The following TENM4 variants were observed in gnomAD, a reference collection of about 807,000 sequenced individuals.
TENM4 encodes teneurin-4.
In TENM4, 82 loss-of-function variants were observed where a neutral mutation model predicts 243.3. The ratio of observed to expected loss-of-function variants is 0.34; its 90% confidence interval spans 0.28 to 0.40. TENM4 has a LOEUF of 0.40. Ranked by LOEUF, TENM4 falls within the 10% of genes least tolerant of loss-of-function variation. The pLI is 1.00. For missense variants in TENM4, 3,138 were observed against 3,673.3 expected (o/e 0.85, Z 3.77); for synonymous variants, 1,412 against 1,456.3 (o/e 0.97, Z 0.69).
intron 4 of TENM4, among the ~76,000 whole-genome samples, chr11:79,076,749 C>T (rs141924460): frequency 1.3e-5 from 2 of 152,162 alleles, no homozygotes; most frequent in African/African-American, 4.8e-5. Flanking sequence ...ATCAGGGGAT[C>T]ACTGAAGACA....
chr11:78,835,405 C>G (rs1015528276), intron 12 of TENM4, among the ~76,000 whole-genome samples: 8 of 152,152 alleles, frequency 5.3e-5, no homozygotes, highest in African/African-American at 1.9e-4. Context: ...ACTGGGGAGG[C>G]TGAGGCAGGA....
In TENM4 at chr11:78,749,670, T is replaced by C. The variant is rs201941894; in HGVS notation, c.2756+7135A>G. 3.9e-5 allele frequency among the ~76,000 whole-genome samples: 6 copies of C among 152,356 alleles called. No homozygotes were observed. In the East Asian group the frequency reaches 7.7e-4, roughly 20 times the overall value. On this transcript the variant is annotated intron_variant, in intron 19 of 33. Transcript: ENST00000278550. ...CATTGCATACATGGTCATTTCTCTT[T>C]TCCATCATTTTTCACTCTTGAAAAC...
intron 12 of TENM4, among the ~76,000 whole-genome samples, chr11:78,823,188 C>A (rs1191083471): frequency 1.3e-5 from 2 of 152,186 alleles, no homozygotes; most frequent in African/African-American, 2.4e-5. Flanking sequence ...GAGAGGCGAG[C>A]GCTCCCGGGA....
intron 2 of TENM4, among the ~76,000 whole-genome samples, chr11:79,281,120 C>T (rs1395503251): frequency 6.6e-6 from 1 of 152,154 alleles, no homozygotes; most frequent in Admixed American, 6.5e-5. Context: ...AGGAGATGCA[C>T]CTCAGCCTTC....
chr11:78,886,883 A>C (rs2136285661), intron 9 of TENM4, among the ~76,000 whole-genome samples: 1 of 152,332 alleles, frequency 6.6e-6, no homozygotes, highest in African/African-American at 2.4e-5. Context: ...TCAAGACACA[A>C]ATTCTTCAAA....
intron 1 of TENM4, among the ~76,000 whole-genome samples, chr11:79,323,198 T>C (rs1373667408): frequency 6.6e-6 from 1 of 152,248 alleles, no homozygotes; most frequent in African/African-American, 2.4e-5. Flanking sequence ...GGGCCCCTCT[T>C]GAGGCAGACA....
At chr11:78,884,752 G>A (rs1369083406) in intron 9 of TENM4, among the ~76,000 whole-genome samples, 1 of 152,248 alleles carries the variant, frequency 6.6e-6, no homozygotes, top group Non-Finnish European at 1.5e-5. Context: ...GGTTAAAAGT[G>A]TGAGCTCAAA....
At chr11:79,142,273 T>C (rs1471531172) in intron 4 of TENM4, among the ~76,000 whole-genome samples, 1 of 152,002 alleles carries the variant, frequency 6.6e-6, no homozygotes, top group Non-Finnish European at 1.5e-5. Context: ...GATAAACAAA[T>C]TCAGTAAAGT....
chr11:78,758,960 TAA>T (rs1856375230), intron 18 of TENM4, among the ~76,000 whole-genome samples: 1 of 152,132 alleles, frequency 6.6e-6, no homozygotes, highest in Non-Finnish European at 1.5e-5. Context: ...GTTATATAGA[TAA>T]AAAGTGCAGC....
At chr11:78,898,820 T>C (rs936164250) in intron 7 of TENM4, among the ~76,000 whole-genome samples, 22 of 152,200 alleles carry the variant, frequency 1.4e-4, no homozygotes, top group African/African-American at 5.3e-4. Context: ...GCACTTATTC[T>C]ATTATAGGAG....
intron 2 of TENM4, among the ~76,000 whole-genome samples, chr11:79,243,405 A>G (rs1300536404): frequency 3.9e-5 from 6 of 152,218 alleles, no homozygotes; most frequent in African/African-American, 1.4e-4. Flanking sequence ...AATTTGTGCT[A>G]TAAAGTCACT....
At chr11:79,109,343 G>A (rs1256779799) in intron 4 of TENM4, among the ~76,000 whole-genome samples, 1 of 152,210 alleles carries the variant, frequency 6.6e-6, no homozygotes, top group Admixed American at 6.5e-5. Context: ...AGCTGTGAGG[G>A]CAGAGGCAGC....
chr11:78,957,901 T>C (rs1286000931), intron 6 of TENM4, among the ~76,000 whole-genome samples: 1 of 152,216 alleles, frequency 6.6e-6, no homozygotes, highest in Non-Finnish European at 1.5e-5. Context: ...GGAATTCCTC[T>C]TATCTTCTTC....
intron 6 of TENM4, among the ~76,000 whole-genome samples, chr11:79,046,845 T>G (rs2136922468): frequency 6.6e-6 from 1 of 152,288 alleles, no homozygotes; most frequent in East Asian, 1.9e-4. Context: ...TTTGTGGTAC[T>G]TCGTGACAGC....
chr11:78,862,344 A>G (rs373433739), intron 10 of TENM4, among the ~76,000 whole-genome samples: 22 of 152,146 alleles, frequency 1.4e-4, no homozygotes, highest in Non-Finnish European at 2.8e-4. Flanking sequence ...TTATAAAATA[A>G]TTATCTTACA....
intron 7 of TENM4, among the ~76,000 whole-genome samples, chr11:78,893,709 C>G (rs1485516605): frequency 6.6e-6 from 1 of 151,592 alleles, no homozygotes; most frequent in Admixed American, 6.6e-5. Context: ...CTTACCCTAA[C>G]TAAAATAGCT....
intron 15 of TENM4, among the ~76,000 whole-genome samples, chr11:78,798,720 C>T (rs1485860773): frequency 6.6e-6 from 1 of 152,042 alleles, no homozygotes; most frequent in Non-Finnish European, 1.5e-5. Context: ...TCTACTTGTG[C>T]ACACGCTGTT....
At chr11:78,843,080 A>G (rs1043989048) in intron 12 of TENM4, among the ~76,000 whole-genome samples, 2 of 152,092 alleles carry the variant, frequency 1.3e-5, no homozygotes, top group African/African-American at 4.8e-5. Flanking sequence ...GGAGTTCAAG[A>G]CTAGCCTGGC....
chr11:78,993,559 T>C (rs1858096236), intron 6 of TENM4, among the ~76,000 whole-genome samples: 1 of 152,242 alleles, frequency 6.6e-6, no homozygotes, highest in Admixed American at 6.5e-5. Flanking sequence ...TCAGCCTTTA[T>C]TCTTCTCTCT....
Sources: gnomAD v4.1 joint callset for allele counts (sites outside exome capture counted in the v4.1 genomes callset) on GRCh38, gnomAD v4.1.1 for gene constraint, MANE v1.5 for transcripts, NCBI Gene and HGNC (gene_info 2026-07-23, HGNC 2026-07-21) for gene names.